SPMAP2: variants seen among roughly 807,000 people sequenced by gnomAD.
SPMAP2 encodes Theg homolog.
chr19:375,377 AGTCT>A, the SPMAP2 span, among the ~76,000 whole-genome samples: 1 of 152,180 alleles, frequency 6.6e-6, no homozygotes, highest in African/African-American at 2.4e-5. Flanking sequence ...ACCTGAACTC[AGTCT>A]GCCTGACTCC....
the SPMAP2 span, chr19:373,404 CGGGGCAGGTTCCCTGGAGGCCGGCAGCCG>C: frequency 6.7e-7 from 1 of 1,493,162 alleles, no homozygotes. Context: ...CTAGATGGGG[CGGGGCAGGTTCCCTGGAGGCCGGCAGCCG>C]GGGGCAGGGG....
the SPMAP2 span, chr19:372,799 G>T: frequency 8.6e-7 from 1 of 1,164,908 alleles, no homozygotes; most frequent in Non-Finnish European, 1.3e-6. Flanking sequence ...ATGAGCTTGG[G>T]CAGGAGGCTG....
chr19:364,104 C>G, the SPMAP2 span, among the ~76,000 whole-genome samples: 1 of 151,196 alleles, frequency 6.6e-6, no homozygotes, highest in African/African-American at 2.4e-5. Context: ...GAGGCCGAGG[C>G]GGGCGGATCA....
At chr19:373,546 C>A in the SPMAP2 span, 1 of 1,612,028 alleles carries the variant, frequency 6.2e-7, no homozygotes, top group Non-Finnish European at 8.5e-7. Context: ...AATAAGCGGA[C>A]GGCTCAGGGC....
At chr19:371,954 G>A in the SPMAP2 span, among the ~76,000 whole-genome samples, 6 of 152,318 alleles carry the variant, frequency 3.9e-5, no homozygotes, top group South Asian at 1.2e-3. Context: ...CTGCATCTGT[G>A]TGTGCTGTTC....
the SPMAP2 span, among the ~76,000 whole-genome samples, chr19:375,099 G>A: frequency 6.6e-6 from 1 of 152,186 alleles, no homozygotes; most frequent in Non-Finnish European, 1.5e-5. Flanking sequence ...CACGCTGCAG[G>A]GAGGACGGGA....
the SPMAP2 span, among the ~76,000 whole-genome samples, chr19:369,317 C>T: frequency 1.1e-4 from 16 of 152,202 alleles, no homozygotes; most frequent in African/African-American, 3.9e-4. Flanking sequence ...GTGCTGACCA[C>T]AATGGGGAGA....
chr19:370,640 G>A, the SPMAP2 span, among the ~76,000 whole-genome samples: 22 of 152,092 alleles, frequency 1.4e-4, no homozygotes, highest in South Asian at 2.1e-4. Context: ...GTGAGCCACC[G>A]CGCCCGGCGT....
the SPMAP2 span, among the ~76,000 whole-genome samples, chr19:365,545 AC>A: frequency 7.5e-4 from 45 of 60,252 alleles, 2 homozygotes; most frequent in African/African-American, 1.9e-3. Flanking sequence ...GAGCACACAC[AC>A]ACAGCCACAC....
the SPMAP2 span, among the ~76,000 whole-genome samples, chr19:364,405 C>T: frequency 1.3e-5 from 2 of 151,632 alleles, no homozygotes; most frequent in African/African-American, 4.8e-5. Context: ...GGCAGCCAGG[C>T]TCAATGGCAC....
the SPMAP2 span, chr19:372,530 A>G: frequency 1.6e-6 from 2 of 1,219,666 alleles, no homozygotes; most frequent in East Asian, 2.4e-5. Context: ...GTCTAGGGCT[A>G]GGACCTGGAC....
At chr19:364,128 TC>T in the SPMAP2 span, among the ~76,000 whole-genome samples, 1 of 149,990 alleles carries the variant, frequency 6.7e-6, no homozygotes, top group Non-Finnish European at 1.5e-5. Context: ...GGTCAGGAGA[TC>T]GAGACCATCC....
chr19:362,293 G>T, the SPMAP2 span: 1 of 1,606,768 alleles, frequency 6.2e-7, no homozygotes, highest in Non-Finnish European at 8.5e-7. Flanking sequence ...CGTATCCCTC[G>T]TTGAGGCCCT....
At chr19:369,223 TA>T in the SPMAP2 span, among the ~76,000 whole-genome samples, 1 of 152,040 alleles carries the variant, frequency 6.6e-6, no homozygotes, top group East Asian at 1.9e-4. Flanking sequence ...GAATAGAAGT[TA>T]ATGCCACGCG....
At chr19:372,875 C>T in the SPMAP2 span, among the ~76,000 whole-genome samples, 34,944 of 152,192 alleles carry the variant, frequency 0.23, 4,448 homozygotes, top group South Asian at 0.33. Context: ...GATTTGCTGT[C>T]CCTGATTTAG....
the SPMAP2 span, among the ~76,000 whole-genome samples, chr19:369,809 G>A: frequency 2.8e-4 from 43 of 152,070 alleles, no homozygotes; most frequent in African/African-American, 9.6e-4. Flanking sequence ...CTTCTTAAGG[G>A]TGGGGGACAT....
chr19:371,367 G>GGTGTGT, the SPMAP2 span: 11 of 718,944 alleles, frequency 1.5e-5, no homozygotes, highest in South Asian at 2.9e-4. Context: ...GCCGGGGGTG[G>GGTGTGT]GGGTGTGTGT....
the SPMAP2 span, among the ~76,000 whole-genome samples, chr19:372,084 C>T: frequency 6.6e-6 from 1 of 152,358 alleles, no homozygotes; most frequent in East Asian, 1.9e-4. Context: ...GTGTGTGCGA[C>T]ACCCACATCA....
At chr19:367,090 G>C in the SPMAP2 span, 1 of 1,613,004 alleles carries the variant, frequency 6.2e-7, no homozygotes, top group African/African-American at 1.3e-5. Context: ...GGCGGTTATG[G>C]TCTGACACAT....
Sources: allele counts gnomAD v4.1 joint callset (sites outside exome capture counted in the v4.1 genomes callset), GRCh38; gene constraint gnomAD v4.1.1; transcripts MANE v1.5; gene names NCBI Gene and HGNC (gene_info 2026-07-23, HGNC 2026-07-21).